Variants in COL11A1 observed in about 807,000 individuals in gnomAD.
The protein encoded by COL11A1 is collagen alpha-1(XI) chain.
COL11A1 carries 74 observed loss-of-function variants against 265.2 expected under a neutral mutation model. That is an observed-to-expected ratio of 0.28 (90% CI 0.23 to 0.34). The LOEUF is 0.34. COL11A1 is among the 10% of genes least tolerant of loss of function. The pLI, the probability that COL11A1 is intolerant of heterozygous loss-of-function variation, is 1.00. For missense variants in COL11A1, 2,165 were observed against 2,263.6 expected (o/e 0.96, Z 0.88); for synonymous variants, 816 against 727.6 (o/e 1.12, Z -1.96).
At chr1:103,057,912 C>T (rs1469706179) in intron 4 of COL11A1, among the ~76,000 whole-genome samples, 2 of 152,154 alleles carry the variant, frequency 1.3e-5, no homozygotes, top group African/African-American at 4.8e-5. Flanking sequence ...TAAGTGAGCA[C>T]TGGCTTCAAC....
rs1263875440 is a variant in COL11A1, at chr1:103,000,904, A to G, written c.2142+1021T>C. ...AAACAGAACCTGGTATACCCAATCA[A>G]TGGAATACTATGAGAACAAAATAAG... On this transcript the variant is annotated intron_variant, in intron 24 of 66. Transcript: ENST00000370096. 1.1e-5 allele frequency: 4 copies of G among 350,486 alleles called. No homozygotes were observed. The East Asian group carries it at 1.6e-4, about 14-fold the overall frequency. 21.7% of individuals were successfully genotyped at this position (350,486 alleles called of 1,614,324 possible).
rs533180877 is a variant in COL11A1 at position 103,087,768 on chromosome 1, G to T, written c.107-4796C>A. Among the ~76,000 whole-genome samples the T allele has an allele frequency of 1.8e-4, 28 of 152,232 alleles. 1 individual carries two copies. The highest frequency in any genetic ancestry group is 1.4e-3 in the Admixed American group (21 of 15,292). On this transcript the variant is annotated intron_variant, in intron 1 of 66. Transcript: ENST00000370096. ...TGTCTCCCTAAGCTGGGTTAGATCT[G>T]CTAACCTCTATTATAGCACCTTTCA... is the stretch of plus-strand genomic sequence containing the variant.
At chr1:102,997,159 A>T in intron 25 of COL11A1, 35 bp from the exon 26 acceptor site, 1 of 1,522,992 alleles carries the variant, frequency 6.6e-7, no homozygotes, top group Non-Finnish European at 9.1e-7. Context: ...GATAAGATGT[A>T]ATATAAACAT....
chr1:102,945,024 CT>C (rs1169324459), intron 42 of COL11A1, among the ~76,000 whole-genome samples: 2 of 152,102 alleles, frequency 1.3e-5, no homozygotes, highest in Non-Finnish European at 2.9e-5. Context: ...CATTCTAACT[CT>C]TTCTGAAAGG....
At chr1:102,882,968 A>G (rs1570617632) in intron 64 of COL11A1, among the ~76,000 whole-genome samples, 1 of 152,304 alleles carries the variant, frequency 6.6e-6, no homozygotes. Context: ...TTTAGTGAGC[A>G]AGCAGGTGCA....
At chr1:103,087,311 C>T (rs1672956491) in intron 1 of COL11A1, among the ~76,000 whole-genome samples, 1 of 152,116 alleles carries the variant, frequency 6.6e-6, no homozygotes, top group Admixed American at 6.5e-5. Context: ...ATATCAGAGC[C>T]CAATGTGCTA....
intron 46 of COL11A1, among the ~76,000 whole-genome samples, chr1:102,930,100 C>T (rs1249934137): frequency 2.6e-5 from 4 of 152,268 alleles, no homozygotes; most frequent in Non-Finnish European, 4.4e-5. Context: ...TCCTGCCTAA[C>T]TGCCCTGGCC....
chr1:102,923,358 T>G lies in COL11A1; in HGVS notation c.3632A>C (p.Glu1211Ala). 6.2e-7 allele frequency: 1 copy of G among 1,606,154 alleles called. No homozygotes were observed. The highest frequency in any genetic ancestry group is 1.1e-5 in the South Asian group (1 of 89,930). The change falls in exon 47 of 67, where the codon GAA (glutamate) becomes GCA (alanine). Residue 1211 changes from glutamate (E) to alanine (A), a missense_variant. Glu to Ala is a moderately radical substitution (Grantham distance 107). Transcript: ENST00000370096. Reference sequence around the variant, plus strand: ...TACCATGGGACCAACATCCCCATTTTCACCTTTTTCACCAGGTGGGCCTGG... The same window carrying G: ...TACCATGGGACCAACATCCCCATTTGCACCTTTTTCACCAGGTGGGCCTGG... ...GLPGPPGEKG[E>A]NGDVGPMGPP...
At chr1:102,947,671 C>G (rs1659443146) in intron 41 of COL11A1, among the ~76,000 whole-genome samples, 1 of 151,622 alleles carries the variant, frequency 6.6e-6, no homozygotes, top group African/African-American at 2.4e-5. Flanking sequence ...TTTTAAAAAA[C>G]CTCATATATA....
chr1:102,929,261 T>G (rs893434895), intron 46 of COL11A1, among the ~76,000 whole-genome samples: 1 of 151,294 alleles, frequency 6.6e-6, no homozygotes, highest in Admixed American at 6.6e-5. Flanking sequence ...CTTGAATTGA[T>G]TTTTGTATAA....
At chr1:102,921,429 T>C (rs758469533) in intron 48 of COL11A1, 89 bp downstream of exon 48, 1 of 1,068,268 alleles carries the variant, frequency 9.4e-7, no homozygotes. Flanking sequence ...AATAGTTTAA[T>C]ATTGTTATAA....
At chr1:102,912,267 C>A in intron 53 of COL11A1, 55 bp from the exon 54 acceptor site, 1 of 1,433,800 alleles carries the variant, frequency 7.0e-7, no homozygotes, top group South Asian at 1.3e-5. Context: ...TTGTGGCCCA[C>A]ATAAATTTTC....
chr1:102,945,451 T>C (rs1202764919), intron 42 of COL11A1, among the ~76,000 whole-genome samples: 1 of 152,084 alleles, frequency 6.6e-6, no homozygotes, highest in African/African-American at 2.4e-5. Context: ...CTGCACAAAA[T>C]GGTCTCAAAC....
At chr1:102,995,701 G>GA (rs1664558661) in intron 28 of COL11A1, among the ~76,000 whole-genome samples, 163 bp downstream of exon 28, 1 of 151,712 alleles carries the variant, frequency 6.6e-6, no homozygotes, top group African/African-American at 2.4e-5. Flanking sequence ...CAAGATATAA[G>GA]ACATTGTTTT....
At chr1:102,920,416 C>T (rs1655848885) in intron 48 of COL11A1, 52 bp from the exon 49 acceptor site, 2 of 1,433,534 alleles carry the variant, frequency 1.4e-6, no homozygotes, top group Non-Finnish European at 2.0e-6. Flanking sequence ...TAAAATAATG[C>T]ATTCGTAAAC....
intron 42 of COL11A1, among the ~76,000 whole-genome samples, chr1:102,941,831 T>C (rs1658753191): frequency 6.6e-6 from 1 of 152,168 alleles, no homozygotes; most frequent in African/African-American, 2.4e-5. Context: ...TATTATCAAA[T>C]TGCCCTATCA....
intron 11 of COL11A1, among the ~76,000 whole-genome samples, chr1:103,015,973 T>G (rs1011068639): frequency 6.6e-6 from 1 of 152,016 alleles, no homozygotes; most frequent in African/African-American, 2.4e-5. Flanking sequence ...AGCTATAAAT[T>G]TTGCTCAAAC....
chr1:102,878,904 A>G (rs1247443322), intron 66 of COL11A1, among the ~76,000 whole-genome samples: 1 of 152,132 alleles, frequency 6.6e-6, no homozygotes, highest in Non-Finnish European at 1.5e-5. Context: ...CACAACTATA[A>G]CACACAAGGT....
intron 57 of COL11A1, among the ~76,000 whole-genome samples, chr1:102,890,904 A>G (rs558943836): frequency 1.3e-5 from 2 of 152,218 alleles, no homozygotes; most frequent in African/African-American, 4.8e-5. Flanking sequence ...AAAAAACTCA[A>G]TAAACTTTTG....
Sources: allele counts gnomAD v4.1 joint callset (sites outside exome capture counted in the v4.1 genomes callset), GRCh38; gene constraint gnomAD v4.1.1; transcripts MANE v1.5; gene names NCBI Gene and HGNC (gene_info 2026-07-23, HGNC 2026-07-21).